CDC42BPB: variants seen among roughly 807,000 people sequenced by gnomAD.
CDC42BPB encodes the protein serine/threonine-protein kinase MRCK beta.
Under a neutral mutation model 214.9 loss-of-function variants are expected in CDC42BPB, and 37 were observed. The observed-to-expected ratio is 0.17, with a 90% CI of 0.13 to 0.23. CDC42BPB has a LOEUF of 0.23. Among genes scored for constraint, CDC42BPB ranks in the 10% least tolerant of loss-of-function variants. CDC42BPB has a pLI of 1.00. For synonymous variants in CDC42BPB, 931 were observed against 884.0 expected, an observed-to-expected ratio of 1.05 and a Z score of -0.94; for missense variants, 1,694 against 2,227.0, an observed-to-expected ratio of 0.76 and a Z score of 4.82.
intron 9 of CDC42BPB, among the ~76,000 whole-genome samples, chr14:102,977,212 G>A (rs1893788469): frequency 6.6e-6 from 1 of 151,986 alleles, no homozygotes; most frequent in South Asian, 2.1e-4. Context: ...GGTGGCGGGC[G>A]CCTGTAGTCC....
At chr14:103,006,230 C>T (rs570519445) in intron 3 of CDC42BPB, among the ~76,000 whole-genome samples, 22 of 152,314 alleles carry the variant, frequency 1.4e-4, no homozygotes, top group Admixed American at 1.2e-3. Context: ...TGTGCCTGAC[C>T]TCCTGTCTTC....
intron 20 of CDC42BPB, among the ~76,000 whole-genome samples, chr14:102,962,315 G>A (rs757419651): frequency 5.3e-5 from 8 of 152,170 alleles, no homozygotes; most frequent in Non-Finnish European, 7.3e-5. Context: ...ACTCTATCCC[G>A]AAATACACCG....
chr14:103,035,971 A>G (rs79102904), intron 1 of CDC42BPB, among the ~76,000 whole-genome samples: 16,483 of 151,872 alleles, frequency 0.11, 2,302 homozygotes, highest in African/African-American at 0.33. Context: ...GGGCAACATG[A>G]CGAAACCTCA....
Position 103,004,303 on chromosome 14 carries a change from C to G in CDC42BPB, c.352-280G>C, listed in dbSNP as rs1218769754. ...TGGCTGACACTTAGATTCACCCCACCCTTATGTGGATTCCTGACTGGGCTC... is the reference window on the plus strand; with the variant it reads ...TGGCTGACACTTAGATTCACCCCACGCTTATGTGGATTCCTGACTGGGCTC... On this transcript the variant is annotated intron_variant, in intron 3 of 36. Transcript: ENST00000361246. The surrounding 1 kb of genome is among the most constrained non-coding windows in gnomAD (Gnocchi z 5.3). 5 of 600,970 alleles carry G rather than the reference C, an allele frequency of 8.3e-6. No individual in the cohort carries two copies. Among genetic ancestry groups the G allele is most frequent in the Non-Finnish European group, 1.2e-5 (5 of 431,108 alleles). 37.2% of individuals were successfully genotyped at this position (600,970 alleles called of 1,614,324 possible).
At chr14:102,950,794 C>T (rs768157682) in intron 24 of CDC42BPB, 192 bp from the exon 25 acceptor site, 6 of 534,718 alleles carry the variant, frequency 1.1e-5, no homozygotes, top group South Asian at 8.1e-5. Flanking sequence ...GGTGAAATCC[C>T]GCCTTTATTA....
chr14:103,050,049 T>C (rs1888518481), intron 1 of CDC42BPB, among the ~76,000 whole-genome samples: 1 of 152,234 alleles, frequency 6.6e-6, no homozygotes, highest in Admixed American at 6.5e-5. Flanking sequence ...GATGCGTCTT[T>C]TGGGGTCAAT....
chr14:102,939,943 C>T lies in CDC42BPB; in HGVS notation c.4596G>A (p.Ala1532=), dbSNP rs1193566901. ...CGGAGGTGTCCGGCACGTTGAGAAC[C>T]GCTCCTGCAGAAGCAGAGCGCGCGG... is the stretch of plus-strand genomic sequence containing the variant. ...LIYFKSKFSG[A]VLNVPDTSDN... Residue 1532 remains alanine, a synonymous_variant, in exon 33 of 37, where the codon GCG becomes GCA. Coordinates refer to ENST00000361246, the MANE Select transcript of CDC42BPB (RefSeq NM_006035.4). 13 of 1,613,792 alleles carry T rather than the reference C, an allele frequency of 8.1e-6. No homozygotes were observed. Among genetic ancestry groups the T allele is most frequent in the East Asian group, 4.5e-5 (2 of 44,888 alleles).
intron 1 of CDC42BPB, among the ~76,000 whole-genome samples, chr14:103,017,211 T>G (rs1450487359): frequency 6.6e-6 from 1 of 151,882 alleles, no homozygotes; most frequent in Non-Finnish European, 1.5e-5. Context: ...TGGTTCTAGC[T>G]CCTCTCAAGG....
At chr14:102,969,028 T>G in intron 14 of CDC42BPB, 1 of 389,834 alleles carries the variant, frequency 2.6e-6, no homozygotes, top group Non-Finnish European at 3.5e-6. Flanking sequence ...TCCTTGTGAC[T>G]GGGGTGACAC....
intron 21 of CDC42BPB, among the ~76,000 whole-genome samples, chr14:102,958,507 C>T (rs1892809618): frequency 6.6e-6 from 1 of 152,178 alleles, no homozygotes; most frequent in African/African-American, 2.4e-5. Context: ...TCCACTCTCC[C>T]TGCTCCAATA....
chr14:103,017,401 G>A (rs545010633), intron 1 of CDC42BPB, among the ~76,000 whole-genome samples: 8 of 151,980 alleles, frequency 5.3e-5, no homozygotes, highest in Non-Finnish European at 1.0e-4. Flanking sequence ...ATGAAAAATG[G>A]GATATTTATA....
intron 1 of CDC42BPB, among the ~76,000 whole-genome samples, chr14:103,012,733 C>T (rs1004694048): frequency 1.3e-5 from 2 of 152,030 alleles, no homozygotes; most frequent in Admixed American, 6.6e-5. Flanking sequence ...TGAACCTAGG[C>T]GCCGGAGGTT....
rs534685268 is a variant in CDC42BPB, at chr14:103,037,891, T to A, written c.175+19108A>T. ...AAAAATGCAAAAAATTAGCTGGGCG[T>A]GGTGGCGGGCGCCTATAGTCCCAGC... On this transcript the variant is annotated intron_variant, in intron 1 of 36. Coordinates refer to ENST00000361246, the MANE Select transcript of CDC42BPB (RefSeq NM_006035.4). 2.0e-5 allele frequency among the ~76,000 whole-genome samples: 3 copies of A among 151,514 alleles called. No individual in the cohort carries two copies. In the East Asian group the frequency reaches 5.8e-4, roughly 29 times the overall value.
At chr14:102,999,789 C>G in intron 4 of CDC42BPB, 76 bp from the exon 5 acceptor site, 1 of 1,566,550 alleles carries the variant, frequency 6.4e-7, no homozygotes, top group Non-Finnish European at 8.7e-7. Flanking sequence ...GGCCAGTCTT[C>G]CATGGCGAGG....
At chr14:102,983,874 A>AT (rs1387315717) in intron 6 of CDC42BPB, 118 bp from the exon 7 acceptor site, 54 of 1,461,614 alleles carry the variant, frequency 3.7e-5, no homozygotes, top group Non-Finnish European at 4.8e-5. Flanking sequence ...AATAAAACTG[A>AT]TGAATGATCG....
chr14:102,988,676 A>G (rs776518686), intron 5 of CDC42BPB, among the ~76,000 whole-genome samples: 40 of 152,208 alleles, frequency 2.6e-4, no homozygotes, highest in Non-Finnish European at 4.7e-4. Flanking sequence ...AATACGAATC[A>G]CTGGGGTAAA....
rs138261039 is a variant in CDC42BPB at position 102,966,955 on chromosome 14, T to C, written c.2471+91A>G. On this transcript the variant is annotated intron_variant, in intron 17 of 36. Transcript: ENST00000361246. ...CCAGCCTGAGAGGCACGGCCTGGCG[T>C]GGAGCACAGGATCAGGCAGAAGAGG... 737 of 1,452,714 alleles carry C rather than the reference T, an allele frequency of 5.1e-4. 4 individuals are homozygous for C. The East Asian group carries it at 0.013, about 27-fold the overall frequency. The allele number at this position is 1,452,714 out of a possible 1,614,324, so 90.0% of individuals were successfully genotyped here.
chr14:103,043,761 T>C (rs995720866), intron 1 of CDC42BPB, among the ~76,000 whole-genome samples: 1 of 152,242 alleles, frequency 6.6e-6, no homozygotes, highest in African/African-American at 2.4e-5. Flanking sequence ...CTATTAGCAG[T>C]ATAATTCAAC....
At chr14:103,023,280 G>C (rs887728876) in intron 1 of CDC42BPB, among the ~76,000 whole-genome samples, 1 of 150,602 alleles carries the variant, frequency 6.6e-6, no homozygotes, top group Non-Finnish European at 1.5e-5. Flanking sequence ...CATTTCTCCT[G>C]TCTCAGCCTC....
Sources: allele counts gnomAD v4.1 joint callset (sites outside exome capture counted in the v4.1 genomes callset), GRCh38; gene constraint gnomAD v4.1.1; non-coding constraint Gnocchi (gnomAD v3.1); transcripts MANE v1.5; gene names NCBI Gene and HGNC (gene_info 2026-07-23, HGNC 2026-07-21).